The following MAF variants were observed in gnomAD, a reference collection of about 807,000 sequenced individuals.
The protein encoded by MAF is MAF bZIP transcription factor.
A neutral mutation model predicts 22.0 loss-of-function variants in MAF; 10 were observed. The observed-to-expected ratio is 0.45, with a 90% confidence interval of 0.28 to 0.77. MAF has a LOEUF of 0.77. Among genes scored for constraint, MAF ranks in the 30% least tolerant of loss-of-function variants. The pLI, the probability that MAF is intolerant of heterozygous loss-of-function variation, is 0.12. For synonymous variants in MAF, 337 were observed against 255.8 expected, an observed-to-expected ratio of 1.32 and a Z score of -3.03; for missense variants, 544 against 548.4, an observed-to-expected ratio of 0.99 and a Z score of 0.08.
the MAF span, among the ~76,000 whole-genome samples, chr16:79,254,885 G>C: frequency 1.3e-5 from 2 of 152,146 alleles, no homozygotes; most frequent in African/African-American, 4.8e-5. Context: ...TCGTCAACTT[G>C]TCTCTGATAC....
chr16:79,525,705 T>C, the MAF span, among the ~76,000 whole-genome samples: 2 of 151,940 alleles, frequency 1.3e-5, no homozygotes, highest in Admixed American at 1.3e-4. Context: ...CCTGCTAAGA[T>C]TTTTTTTCTA....
chr16:79,579,169 C>G, the MAF span, among the ~76,000 whole-genome samples: 1 of 152,198 alleles, frequency 6.6e-6, no homozygotes, highest in Admixed American at 6.5e-5. Context: ...CATACTCTGA[C>G]TCTTTGATGC....
the MAF span, among the ~76,000 whole-genome samples, chr16:79,351,666 A>G: frequency 6.6e-6 from 1 of 151,594 alleles, no homozygotes; most frequent in South Asian, 2.1e-4. Context: ...TTTTTTAAGC[A>G]GTATCCAAGG....
the MAF span, among the ~76,000 whole-genome samples, chr16:79,228,185 T>G: frequency 2.0e-5 from 3 of 152,084 alleles, no homozygotes; most frequent in African/African-American, 7.2e-5. Context: ...GGATTATAGG[T>G]ATAAGCCACC....
the MAF span, among the ~76,000 whole-genome samples, chr16:79,319,443 T>A: frequency 1.3e-5 from 2 of 152,218 alleles, no homozygotes; most frequent in Non-Finnish European, 2.9e-5. Flanking sequence ...AACCGGATAT[T>A]AGCTAGTGGA....
the MAF span, among the ~76,000 whole-genome samples, chr16:79,390,303 G>T: frequency 6.6e-6 from 1 of 151,878 alleles, no homozygotes; most frequent in Admixed American, 6.6e-5. Context: ...TTTTTTCACC[G>T]ACAGAGATGC....
At chr16:79,319,528 T>C in the MAF span, among the ~76,000 whole-genome samples, 8 of 152,242 alleles carry the variant, frequency 5.3e-5, no homozygotes, top group East Asian at 1.5e-3. Context: ...CTCACAGAAA[T>C]AGAAAATTTG....
chr16:79,275,694 T>G, the MAF span, among the ~76,000 whole-genome samples: 4 of 152,208 alleles, frequency 2.6e-5, no homozygotes, highest in Non-Finnish European at 1.5e-5. Flanking sequence ...TTGGAAAATA[T>G]GGTCAATGAA....
At chr16:79,282,506 C>G in the MAF span, among the ~76,000 whole-genome samples, 1 of 152,166 alleles carries the variant, frequency 6.6e-6, no homozygotes, top group African/African-American at 2.4e-5. Flanking sequence ...TGATCTGAAT[C>G]TTTAAGTGAC....
At chr16:79,499,356 A>T in the MAF span, among the ~76,000 whole-genome samples, 1 of 152,204 alleles carries the variant, frequency 6.6e-6, no homozygotes, top group Admixed American at 6.5e-5. Context: ...AGGAGTGAAC[A>T]GAGATGTATG....
the MAF span, among the ~76,000 whole-genome samples, chr16:79,570,922 C>A: frequency 6.6e-6 from 1 of 152,122 alleles, no homozygotes; most frequent in Admixed American, 6.5e-5. Context: ...TTAACAGATG[C>A]CGCCTGGGTT....
the MAF span, among the ~76,000 whole-genome samples, chr16:79,255,601 A>AG: frequency 6.6e-6 from 1 of 152,160 alleles, no homozygotes; most frequent in Non-Finnish European, 1.5e-5. Context: ...CCCTTAGCTG[A>AG]GGGGGTCACA....
the MAF span, among the ~76,000 whole-genome samples, chr16:79,333,531 G>A: frequency 0.14 from 21,586 of 152,158 alleles, 2,442 homozygotes; most frequent in East Asian, 0.41. Context: ...AGGCATTTAT[G>A]TCAATTTTAT....
chr16:79,445,639 C>A, the MAF span, among the ~76,000 whole-genome samples: 1 of 152,178 alleles, frequency 6.6e-6, no homozygotes, highest in South Asian at 2.1e-4. Context: ...TGAATATCTT[C>A]CATGGAGTCA....
At chr16:79,460,657 G>A in the MAF span, among the ~76,000 whole-genome samples, 1 of 152,124 alleles carries the variant, frequency 6.6e-6, no homozygotes, top group Non-Finnish European at 1.5e-5. Context: ...TTAGAATCTT[G>A]ATTGAAGTTC....
At chr16:79,525,265 A>G in the MAF span, among the ~76,000 whole-genome samples, 4 of 152,076 alleles carry the variant, frequency 2.6e-5, 1 homozygote, top group South Asian at 2.1e-4. Flanking sequence ...GCCTCCCCCA[A>G]TGCCTGGGAT....
chr16:79,577,005 C>A, the MAF span, among the ~76,000 whole-genome samples: 3 of 152,158 alleles, frequency 2.0e-5, no homozygotes, highest in Admixed American at 2.0e-4. Flanking sequence ...CAGCAGTGCA[C>A]CTGATACTTT....
chr16:79,428,419 C>A, the MAF span, among the ~76,000 whole-genome samples: 4,381 of 152,292 alleles, frequency 0.029, 128 homozygotes, highest in East Asian at 0.14. Flanking sequence ...GACAATGTTG[C>A]ACGGGACGTG....
the MAF span, among the ~76,000 whole-genome samples, chr16:79,364,738 A>G: frequency 4.8e-4 from 73 of 152,348 alleles, no homozygotes; most frequent in Non-Finnish European, 9.3e-4. Context: ...ACCTACAAGG[A>G]GAATCTTCAA....
Sources: allele counts gnomAD v4.1 joint callset (sites outside exome capture counted in the v4.1 genomes callset), GRCh38; gene constraint gnomAD v4.1.1; transcripts MANE v1.5; gene names NCBI Gene and HGNC (gene_info 2026-07-23, HGNC 2026-07-21).